The following USP54 variants were observed in gnomAD, a reference collection of about 807,000 sequenced individuals.
The protein encoded by USP54 is ubiquitin carboxyl-terminal hydrolase 54.
In USP54, 87 loss-of-function variants were observed where a neutral mutation model predicts 170.5. The ratio of observed to expected loss-of-function variants is 0.51; its 90% CI spans 0.43 to 0.61. The LOEUF is 0.61. Ranked by LOEUF, USP54 falls within the 20% of genes least tolerant of loss-of-function variation. The pLI, the probability that USP54 is intolerant of heterozygous loss-of-function variation, is 0.00. For missense variants in USP54, 1,786 were observed against 2,047.8 expected, an observed-to-expected ratio of 0.87 and a Z score of 2.47; for synonymous variants, 655 against 742.8, an observed-to-expected ratio of 0.88 and a Z score of 1.92.
chr10:73,579,433 T>C (rs753175296), intron 1 of USP54, among the ~76,000 whole-genome samples: 6 of 152,120 alleles, frequency 3.9e-5, no homozygotes, highest in Non-Finnish European at 7.3e-5. Flanking sequence ...CTAAAATATA[T>C]AGAATCCTCA....
chr10:73,532,470 C>T lies in USP54; in HGVS notation c.1316-1635G>A, dbSNP rs929046854. ...GATTACAGGCGTGAGCCACTGTGCC[C>T]GGCCGCAACTAAGTCTTACAAATGT... is the stretch of plus-strand genomic sequence containing the variant. On this transcript the variant is annotated intron_variant, in intron 12 of 23. Coordinates refer to ENST00000687698, the MANE Select transcript of USP54 (RefSeq NM_001391956.1). Among the ~76,000 whole-genome samples, 3 of 152,220 alleles carry T rather than the reference C, an allele frequency of 2.0e-5. No individual in the cohort carries two copies. In the East Asian group the frequency reaches 5.8e-4, roughly 29 times the overall value.
chr10:73,497,931 G>A lies in USP54; in HGVS notation c.*698C>T, dbSNP rs992210925. 1.3e-5 allele frequency: 2 copies of A among 152,282 alleles called. No individual in the cohort carries two copies. Among genetic ancestry groups the A allele is most frequent in the African/African-American group, 2.4e-5 (1 of 41,428 alleles). The allele number at this position is 152,282 out of a possible 1,614,324, so 9.4% of individuals were successfully genotyped here. A position where few individuals can be genotyped will look rare whatever the true frequency, so the allele number is the denominator to read the frequency against. ...GTGGATAAAACAAAGAGTAGAAGTT[G>A]GGAGTATAGTAGGGAACAGAGGATG... On this transcript the variant is annotated 3_prime_UTR_variant, in exon 24 of 24. Transcript: ENST00000687698.
chr10:73,537,321 CAA>C (rs773868865), intron 10 of USP54, among the ~76,000 whole-genome samples: 3 of 151,998 alleles, frequency 2.0e-5, no homozygotes, highest in Non-Finnish European at 4.4e-5. Context: ...TACAACAACG[CAA>C]AAGAGACAAA....
At chr10:73,565,579 T>G (rs1381762527) in intron 4 of USP54, among the ~76,000 whole-genome samples, 1 of 152,162 alleles carries the variant, frequency 6.6e-6, no homozygotes, top group East Asian at 1.9e-4. Context: ...TGTTGTTACT[T>G]TTCAGCAGTG....
In USP54 at chr10:73,523,647, C is replaced by G; in HGVS notation, c.2298G>C (p.Glu766Asp). ...ELRRKREKELEAAKGFNPHPS... is the reference protein window; with the variant it reads ...ELRRKREKELDAAKGFNPHPS... ...GATGAGGGTTAAACCCTTTCGCTGCCTCTAACTCCTTCTCCCGTTTTCTTC... is the reference window on the plus strand; with the variant it reads ...GATGAGGGTTAAACCCTTTCGCTGCGTCTAACTCCTTCTCCCGTTTTCTTC... Residue 766 changes from glutamate (E) to aspartate (D), a missense_variant, in exon 17 of 24, where the codon GAG (glutamate) becomes GAC (aspartate). By Grantham distance (45) the Glu-to-Asp change is conservative. This residue lies in a region of USP54 where 1,418 missense variants were observed against 1,569.0 expected (regional missense o/e 0.90). Transcript: ENST00000687698. The G allele has an allele frequency of 6.2e-7, 1 of 1,613,782 alleles. No individual in the cohort carries two copies. Among genetic ancestry groups the G allele is most frequent in the Non-Finnish European group, 8.5e-7 (1 of 1,179,764 alleles).
intron 20 of USP54, among the ~76,000 whole-genome samples, chr10:73,508,135 C>G (rs775515542): frequency 6.6e-6 from 1 of 151,684 alleles, no homozygotes; most frequent in Non-Finnish European, 1.5e-5. Flanking sequence ...AGGCAGGGTG[C>G]GATGGCTCAT....
Position 73,505,072 on chromosome 10 carries a change from G to C in USP54, c.4171-82C>G, listed in dbSNP as rs1312043843. The C allele has an allele frequency of 1.9e-6, 3 of 1,586,560 alleles. No individual in the cohort carries two copies. The African/African-American group carries it at 4.0e-5, about 21-fold the overall frequency. On this transcript the variant is annotated intron_variant, in intron 21 of 23. Coordinates refer to ENST00000687698, the MANE Select transcript of USP54 (RefSeq NM_001391956.1). ...CACAGACAGTATCCTCAGGGTATGGGAAAGAGTAGGGGAAGACTCAGTAGT... is the reference window on the plus strand; with the variant it reads ...CACAGACAGTATCCTCAGGGTATGGCAAAGAGTAGGGGAAGACTCAGTAGT...
chr10:73,616,646 T>C (rs1264865003), intron 1 of USP54, among the ~76,000 whole-genome samples: 1 of 149,938 alleles, frequency 6.7e-6, no homozygotes, highest in Non-Finnish European at 1.5e-5. Flanking sequence ...GAACTTAAAA[T>C]TAAATTAAAT....
intron 1 of USP54, among the ~76,000 whole-genome samples, chr10:73,610,082 G>A (rs2080014121): frequency 6.6e-6 from 1 of 151,886 alleles, no homozygotes; most frequent in Non-Finnish European, 1.5e-5. Flanking sequence ...GGAGGCTGAG[G>A]CATGAGAATC....
At chr10:73,554,434 T>C (rs183046148) in intron 4 of USP54, among the ~76,000 whole-genome samples, 2 of 152,336 alleles carry the variant, frequency 1.3e-5, no homozygotes, top group Admixed American at 6.5e-5. Context: ...AACACTACCC[T>C]CTGTAAGTAA....
At position 73,523,760 on chromosome 10, in the gene USP54, A is replaced by C. The variant is rs1419464880; in HGVS notation, c.2195-10T>G. The C allele has an allele frequency of 6.2e-7, 1 of 1,606,822 alleles. No homozygotes were observed. Among genetic ancestry groups the C allele is most frequent in the Non-Finnish European group, 8.5e-7 (1 of 1,175,326 alleles). ...GAAGATATCTCCTCACCTGTAATATAAGCAAGGGAGAAGTCACCACATTTC... is the reference window on the plus strand; with the variant it reads ...GAAGATATCTCCTCACCTGTAATATCAGCAAGGGAGAAGTCACCACATTTC... On this transcript the variant is annotated splice_polypyrimidine_tract_variant and intron_variant, in intron 16 of 23. Transcript: ENST00000687698.
At chr10:73,500,906 A>G in intron 22 of USP54, 68 bp from the exon 23 acceptor site, 8 of 1,512,864 alleles carry the variant, frequency 5.3e-6, no homozygotes, top group Non-Finnish European at 7.1e-6. Flanking sequence ...TAGTTGGGTA[A>G]ACACAGTGAG....
intron 1 of USP54, among the ~76,000 whole-genome samples, chr10:73,586,088 G>A (rs567386024): frequency 4.6e-5 from 7 of 152,166 alleles, no homozygotes; most frequent in East Asian, 3.9e-4. Flanking sequence ...GAGAATCACC[G>A]GACCTTACCA....
At chr10:73,599,900 T>C (rs914552046) in intron 1 of USP54, among the ~76,000 whole-genome samples, 3 of 113,986 alleles carry the variant, frequency 2.6e-5, no homozygotes, top group South Asian at 3.0e-4. Context: ...CACTTTGGGC[T>C]TTTTTTTTTT....
chr10:73,605,604 C>G (rs2079556673), intron 1 of USP54, among the ~76,000 whole-genome samples: 1 of 152,020 alleles, frequency 6.6e-6, no homozygotes, highest in African/African-American at 2.4e-5. Flanking sequence ...TAGGAGCCAC[C>G]TAAGAGAACA....
intron 20 of USP54, among the ~76,000 whole-genome samples, chr10:73,512,751 C>T (rs1363531225): frequency 1.3e-5 from 2 of 152,256 alleles, no homozygotes; most frequent in East Asian, 1.9e-4. Context: ...TGTTTCTTTA[C>T]ACTACTAGAC....
chr10:73,539,519 G>A lies in USP54; in HGVS notation c.900C>T (p.Gly300=), dbSNP rs2066102260. Residue 300 remains glycine, a synonymous_variant, in exon 10 of 24, where the codon GGC becomes GGT. Transcript: ENST00000687698. ...GAAAAAAGAATGTAGAATAATGTTTGCCATAGTAACAGATCATTCCAACTA... is the reference window on the plus strand; with the variant it reads ...GAAAAAAGAATGTAGAATAATGTTTACCATAGTAACAGATCATTCCAACTA... ...LYLVGMICYY[G]KHYSTFFFQT... 6.2e-7 allele frequency: 1 copy of A among 1,611,896 alleles called. No homozygotes were observed.
At chr10:73,527,515 A>AG (rs1374898455) in intron 15 of USP54, among the ~76,000 whole-genome samples, 2 of 151,376 alleles carry the variant, frequency 1.3e-5, no homozygotes, top group East Asian at 3.9e-4. Flanking sequence ...AAAAAAAAAA[A>AG]AAAGAAAACA....
At chr10:73,509,634 C>A (rs1589865824) in intron 20 of USP54, among the ~76,000 whole-genome samples, 1 of 150,414 alleles carries the variant, frequency 6.6e-6, no homozygotes. Flanking sequence ...AAAAAAAAAT[C>A]TTTATTTCTG....
Sources: gnomAD v4.1 joint callset for allele counts (sites outside exome capture counted in the v4.1 genomes callset) on GRCh38, gnomAD v4.1.1 for gene constraint, gnomAD v4.1.1 regional missense constraint, MANE v1.5 for transcripts, NCBI Gene and HGNC (gene_info 2026-07-23, HGNC 2026-07-21) for gene names.